Variants in MYO1E observed in about 807,000 individuals in gnomAD.
MYO1E encodes the protein myosin IE, also known as unconventional myosin-Ie.
Under a neutral mutation model 151.1 loss-of-function variants are expected in MYO1E, and 68 were observed. The observed-to-expected ratio is 0.45, with a 90% CI of 0.37 to 0.55. The LOEUF is 0.55. MYO1E is among the 20% of genes least tolerant of loss of function. The pLI, the probability that MYO1E is intolerant of heterozygous loss-of-function variation, is 0.00. For synonymous variants in MYO1E, 601 were observed against 501.7 expected, an observed-to-expected ratio of 1.20 and a Z score of -2.64; for missense variants, 1,363 against 1,389.3, an observed-to-expected ratio of 0.98 and a Z score of 0.30.
chr15:59,275,905 C>T (rs1157257490), intron 1 of MYO1E, among the ~76,000 whole-genome samples: 1 of 152,152 alleles, frequency 6.6e-6, no homozygotes, highest in Non-Finnish European at 1.5e-5. Flanking sequence ...ACAGAATTTG[C>T]TACTAGTGTG....
intron 1 of MYO1E, among the ~76,000 whole-genome samples, chr15:59,281,109 T>G (rs1259659104): frequency 2.0e-5 from 3 of 152,184 alleles, no homozygotes; most frequent in African/African-American, 7.2e-5. Context: ...CTCTTCGCTT[T>G]GTAAAGACAT....
chr15:59,237,232 A>G (rs2080072304), intron 4 of MYO1E, among the ~76,000 whole-genome samples: 1 of 152,198 alleles, frequency 6.6e-6, no homozygotes, highest in South Asian at 2.1e-4. Flanking sequence ...TATTTTTGTA[A>G]TTTAAAAAAA....
chr15:59,258,704 T>C (rs2080208105), intron 3 of MYO1E, among the ~76,000 whole-genome samples: 2 of 152,018 alleles, frequency 1.3e-5, no homozygotes, highest in South Asian at 2.1e-4. Flanking sequence ...AGAAACAAAA[T>C]TAGCTGGACA....
At chr15:59,248,975 A>G (rs2080147702) in intron 4 of MYO1E, among the ~76,000 whole-genome samples, 1 of 152,172 alleles carries the variant, frequency 6.6e-6, no homozygotes, top group Non-Finnish European at 1.5e-5. Context: ...GGTCTGATTC[A>G]CACTTCCTTG....
chr15:59,230,587 T>C (rs2080022341), intron 6 of MYO1E, among the ~76,000 whole-genome samples: 1 of 152,172 alleles, frequency 6.6e-6, no homozygotes, highest in South Asian at 2.1e-4. Context: ...TCTGGAAAAC[T>C]TCTTCAGGAT....
intron 1 of MYO1E, among the ~76,000 whole-genome samples, chr15:59,327,924 G>C (rs564482740): frequency 6.6e-6 from 1 of 152,340 alleles, no homozygotes; most frequent in African/African-American, 2.4e-5. Context: ...CTTCTCATCA[G>C]TGGGCAAAGG....
At chr15:59,349,450 G>C (rs1391456007) in intron 1 of MYO1E, among the ~76,000 whole-genome samples, 1 of 152,028 alleles carries the variant, frequency 6.6e-6, no homozygotes, top group Admixed American at 6.6e-5. Flanking sequence ...ATATAAAAAA[G>C]GGTAAACTGA....
At position 59,134,244 on chromosome 15, in the gene MYO1E, T is replaced by C. The variant is rs1297370905; in HGVS notation, c.*3136A>G. 6.6e-6 allele frequency: 1 copy of C among 152,404 alleles called. No homozygotes were observed. Among genetic ancestry groups the C allele is most frequent in the Non-Finnish European group, 1.5e-5 (1 of 68,104 alleles). The allele number at this position is 152,404 out of a possible 1,614,324, so 9.4% of individuals were successfully genotyped here. On this transcript the variant is annotated 3_prime_UTR_variant, in exon 28 of 28. Coordinates refer to ENST00000288235, the MANE Select transcript of MYO1E (RefSeq NM_004998.4). The stretch of plus-strand genomic sequence containing the variant: ...AGTGGGGAGTCAGGTTTGATTACGA[T>C]GGGCTGGGACCACACGTTGGGAGGT...
intron 10 of MYO1E, among the ~76,000 whole-genome samples, chr15:59,216,487 T>G (rs541465074): frequency 6.7e-6 from 1 of 150,284 alleles, no homozygotes; most frequent in South Asian, 2.1e-4. Flanking sequence ...TAACAGAGAT[T>G]GTTACTGGCA....
rs753863437 is a variant in MYO1E at position 59,134,173 on chromosome 15, A to G, written c.*3207T>C. ...ACACAGGGCAGGTCCTTTAAGGAGG[A>G]AACTGCACGATGCTTTTCTACCTTC... On this transcript the variant is annotated 3_prime_UTR_variant, in exon 28 of 28. Transcript: ENST00000288235. 6.6e-6 allele frequency: 1 copy of G among 152,270 alleles called. No individual in the cohort carries two copies. The highest frequency in any genetic ancestry group is 1.5e-5 in the Non-Finnish European group (1 of 68,060). The allele number at this position is 152,270 out of a possible 1,614,324, so 9.4% of individuals were successfully genotyped here.
At chr15:59,153,516 G>C (rs1377119826) in intron 26 of MYO1E, 74 bp downstream of exon 26, 2 of 1,508,168 alleles carry the variant, frequency 1.3e-6, no homozygotes, top group African/African-American at 1.4e-5. Context: ...CAGCCCACAG[G>C]AATCTCTGAA....
Position 59,138,362 on chromosome 15 carries a change from C to G in MYO1E, c.3086G>C (p.Arg1029Thr). 1 of 1,614,008 alleles carries G rather than the reference C, an allele frequency of 6.2e-7. No individual in the cohort carries two copies. The highest frequency in any genetic ancestry group is 8.5e-7 in the Non-Finnish European group (1 of 1,179,930). Residue 1029 changes from arginine (R) to threonine (T), a missense_variant, in exon 27 of 28, where the codon AGG becomes ACG. Arg to Thr is a moderately conservative substitution (Grantham distance 71). Coordinates refer to ENST00000288235, the MANE Select transcript of MYO1E (RefSeq NM_004998.4). ...KVPDQGAAGV[R>T]RQTTSRPPPA... is the part of the protein sequence containing the mutation. ...GGGAGGCCGACTGGTTGTTTGTCTC[C>G]TGACCCTGTGGAGAGAGTGGAGCAG...
At chr15:59,154,024 G>A (rs1186188642) in intron 25 of MYO1E, among the ~76,000 whole-genome samples, 1 of 152,144 alleles carries the variant, frequency 6.6e-6, no homozygotes, top group African/African-American at 2.4e-5. Context: ...AAATAAAATT[G>A]TATGTATTTA....
chr15:59,350,050 A>G lies in MYO1E; in HGVS notation c.3+22448T>C, dbSNP rs1006017880. ...GGTTGTGGTGCGTTACATAGTCCCA[A>G]TGGTGGTATCTAAGGCATTTTATAA... On this transcript the variant is annotated intron_variant, in intron 1 of 27. Transcript: ENST00000288235. This position sits in a 1 kb window ranked among gnomAD's most constrained non-coding sequence, Gnocchi z 5.0. Among the ~76,000 whole-genome samples, 1 of 152,228 alleles carries G rather than the reference A, an allele frequency of 6.6e-6. No homozygotes were observed. Among genetic ancestry groups the G allele is most frequent in the Non-Finnish European group, 1.5e-5 (1 of 68,040 alleles).
At chr15:59,289,229 T>G (rs1196948267) in intron 1 of MYO1E, among the ~76,000 whole-genome samples, 1 of 152,096 alleles carries the variant, frequency 6.6e-6, no homozygotes, top group Admixed American at 6.6e-5. Context: ...GTACCAAAAG[T>G]TTTTTGTTTC....
intron 17 of MYO1E, among the ~76,000 whole-genome samples, chr15:59,192,946 A>T (rs952017103): frequency 6.6e-6 from 1 of 152,184 alleles, no homozygotes; most frequent in African/African-American, 2.4e-5. Context: ...GGAAGCCTTC[A>T]TTCTGTCAGA....
intron 1 of MYO1E, among the ~76,000 whole-genome samples, chr15:59,354,351 C>T (rs1300895993): frequency 6.6e-6 from 1 of 152,216 alleles, no homozygotes; most frequent in Non-Finnish European, 1.5e-5. Context: ...AGAACAGACA[C>T]AACCTTGGTC....
Position 59,346,198 on chromosome 15 carries a change from C to T in MYO1E, c.3+26300G>A, listed in dbSNP as rs148087779. Reference sequence around the variant, plus strand: ...TTGTGCTTTCTTGACCTCAGGATGACGAGGTGCATCACTGAACATCCAGCC... The same window carrying T: ...TTGTGCTTTCTTGACCTCAGGATGATGAGGTGCATCACTGAACATCCAGCC... On this transcript the variant is annotated intron_variant, in intron 1 of 27. Coordinates refer to ENST00000288235, the MANE Select transcript of MYO1E (RefSeq NM_004998.4). 9.9e-4 allele frequency among the ~76,000 whole-genome samples: 151 copies of T among 152,154 alleles called. 1 individual carries two copies. The highest frequency in any genetic ancestry group is 3.4e-3 in the African/African-American group (143 of 41,510).
At chr15:59,171,546 G>C (rs1174193675) in intron 22 of MYO1E, among the ~76,000 whole-genome samples, 1 of 152,188 alleles carries the variant, frequency 6.6e-6, no homozygotes, top group Non-Finnish European at 1.5e-5. Context: ...GAGGTGGACT[G>C]GGGGACAGGG....
Sources: allele counts gnomAD v4.1 joint callset (sites outside exome capture counted in the v4.1 genomes callset), GRCh38; gene constraint gnomAD v4.1.1; non-coding constraint Gnocchi (gnomAD v3.1); transcripts MANE v1.5; gene names NCBI Gene and HGNC (gene_info 2026-07-23, HGNC 2026-07-21).